Variants in ADGRD1 observed in about 807,000 individuals in gnomAD.
The protein encoded by ADGRD1 is adhesion G protein-coupled receptor D1, also known as G-protein coupled receptor 133.
Under a neutral mutation model 113.4 loss-of-function variants are expected in ADGRD1, and 77 were observed. The ratio of observed to expected loss-of-function variants is 0.68; its 90% CI spans 0.57 to 0.82. The LOEUF (loss-of-function observed/expected upper bound fraction) is 0.82, where lower values mean the gene tolerates loss of function less well. Ranked by LOEUF, ADGRD1 falls within the 40% of genes least tolerant of loss-of-function variation. ADGRD1 has a pLI of 0.00. For synonymous variants in ADGRD1, 474 were observed against 475.0 expected (o/e 1.00, Z 0.03); for missense variants, 1,036 against 1,139.1 (o/e 0.91, Z 1.30).
At chr12:131,127,082 G>A (rs964669228) in intron 20 of ADGRD1, among the ~76,000 whole-genome samples, 3 of 151,998 alleles carry the variant, frequency 2.0e-5, no homozygotes, top group South Asian at 2.1e-4. Context: ...TGGAAAAAAT[G>A]TGCCTGGAAA....
At chr12:131,080,115 A>AT (rs755776515) in intron 14 of ADGRD1, among the ~76,000 whole-genome samples, 34 of 151,974 alleles carry the variant, frequency 2.2e-4, no homozygotes, top group Non-Finnish European at 4.6e-4. Flanking sequence ...TTAATGCTAT[A>AT]TTTTTTCTGT....
In ADGRD1 at chr12:131,120,898, C is replaced by T. The variant is rs11610576; in HGVS notation, c.2160C>T (p.Ala720=). ...CCATCTGGGCCTTTGTAGCCCCTGC[C>T]CTGTTTGTCATCGTGGTACGTTTCC... ...SGAIWAFVAP[A]LFVIVVNIGI... is the part of the protein sequence containing the mutation. The change falls in exon 20 of 25, where the codon GCC becomes GCT. Residue 720 remains alanine (A), a synonymous_variant. Coordinates refer to ENST00000261654, the MANE Select transcript of ADGRD1 (RefSeq NM_198827.5). 0.035 allele frequency: 56,787 copies of T among 1,614,006 alleles called. 1,243 individuals carry two copies. The highest frequency in any genetic ancestry group is 0.042 in the Non-Finnish European group (49,538 of 1,179,878).
At chr12:130,957,725 T>A (rs1869823868) in intron 2 of ADGRD1, 1 of 152,220 alleles carries the variant, frequency 6.6e-6, no homozygotes, top group Admixed American at 6.5e-5. Flanking sequence ...CAAGGCACTG[T>A]CTTAGAGAAA....
chr12:131,108,592 A>T, intron 17 of ADGRD1, 132 bp from the exon 18 acceptor site: 1 of 1,266,446 alleles, frequency 7.9e-7, no homozygotes, highest in Admixed American at 1.8e-5. Context: ...CAACAGGAAG[A>T]TACCCTGGGA....
At chr12:130,968,495 T>A (rs1232715594) in intron 3 of ADGRD1, 1 of 159,064 alleles carries the variant, frequency 6.3e-6, no homozygotes. Flanking sequence ...TTGGCAAGCC[T>A]TTTGAGGATG....
Position 130,981,909 on chromosome 12 carries a change from G to T in ADGRD1, c.336G>T (p.Lys112Asn), listed in dbSNP as rs1873039504. ...PEGVTFSFFW[K>N]TQGEQSRPIP... ...GGGTCACGTTTTCTTTTTTCTGGAA[G>T]ACACAAGGAGAACAGTCTAGACCAA... Residue 112 changes from lysine (K) to asparagine (N), a missense_variant, in exon 5 of 25, where the codon AAG becomes AAT. By Grantham distance (94) the Lys-to-Asn change is moderately conservative. Coordinates refer to ENST00000261654, the MANE Select transcript of ADGRD1 (RefSeq NM_198827.5). 1 of 1,611,668 alleles carries T rather than the reference G, an allele frequency of 6.2e-7. No individual in the cohort carries two copies. Among genetic ancestry groups the T allele is most frequent in the Admixed American group, 1.7e-5 (1 of 59,506 alleles).
intron 12 of ADGRD1, among the ~76,000 whole-genome samples, chr12:131,012,853 C>T (rs1376816874): frequency 6.6e-6 from 1 of 152,176 alleles, no homozygotes; most frequent in East Asian, 1.9e-4. Flanking sequence ...GGGAGGTGCA[C>T]AGGACCCGGG....
chr12:131,085,711 G>A (rs929586950), intron 15 of ADGRD1, among the ~76,000 whole-genome samples: 2 of 152,208 alleles, frequency 1.3e-5, no homozygotes, highest in Non-Finnish European at 2.9e-5. Context: ...GAGCCAGGCT[G>A]GGTTTGGCAG....
At chr12:131,125,619 C>G (rs1224290749) in intron 20 of ADGRD1, among the ~76,000 whole-genome samples, 1 of 152,140 alleles carries the variant, frequency 6.6e-6, no homozygotes, top group African/African-American at 2.4e-5. Context: ...GAGATAGATA[C>G]AGATGCATTG....
At chr12:131,004,405 C>A (rs1159696464) in intron 11 of ADGRD1, 109 bp downstream of exon 11, 12 of 832,536 alleles carry the variant, frequency 1.4e-5, no homozygotes, top group Non-Finnish European at 2.3e-5. Context: ...GCGGTGCTCC[C>A]CCGGGCCGCC....
At position 131,105,876 on chromosome 12, in the gene ADGRD1, G is replaced by A. The variant is rs761305983; in HGVS notation, c.1887+11G>A. Reference sequence around the variant, plus strand: ...CTCGAGCCGGGCACGGTGAGTGGGCGCAGCTCCGTGTTCCTGCGCTGTCCT... The same window carrying A: ...CTCGAGCCGGGCACGGTGAGTGGGCACAGCTCCGTGTTCCTGCGCTGTCCT... On this transcript the variant is annotated intron_variant, in intron 17 of 24. Transcript: ENST00000261654. 1.9e-6 allele frequency: 3 copies of A among 1,573,046 alleles called. No homozygotes were observed. The highest frequency in any genetic ancestry group is 1.1e-5 in the South Asian group (1 of 88,902).
intron 18 of ADGRD1, among the ~76,000 whole-genome samples, 175 bp downstream of exon 18, chr12:131,109,052 CT>C (rs1305310152): frequency 6.6e-6 from 1 of 152,010 alleles, no homozygotes; most frequent in Non-Finnish European, 1.5e-5. Context: ...GTCAGATGTG[CT>C]TTCATCTTCA....
Position 131,000,442 on chromosome 12 carries a change from G to A in ADGRD1, c.1026G>A (p.Glu342=). 1 of 1,611,428 alleles carries A rather than the reference G, an allele frequency of 6.2e-7. No homozygotes were observed. Among genetic ancestry groups the A allele is most frequent in the Non-Finnish European group, 8.5e-7 (1 of 1,178,470 alleles). ...TGCCTGGTTGGATTGCTCTGTCAGA[G>A]GTAAGAGAAAAGAACATGGTCGGTC... ...LLLPGWIALS[E]DSAVVLSLID... The change falls in exon 9 of 25, where the codon GAG becomes GAA. Residue 342 remains glutamate, a splice_region_variant and synonymous_variant. Transcript: ENST00000261654.
intron 5 of ADGRD1, 146 bp downstream of exon 5, chr12:130,982,209 T>C (rs577591917): frequency 3.9e-5 from 28 of 721,496 alleles, no homozygotes; most frequent in Non-Finnish European, 6.1e-5. Flanking sequence ...TTAAGGGTTG[T>C]TGGGGAGGTG....
rs953563311 is a variant in ADGRD1, at chr12:131,084,798, C to T, written c.1671+135C>T. 25 of 942,778 alleles carry T rather than the reference C, an allele frequency of 2.7e-5. No homozygotes were observed. The Middle Eastern group carries it at 9.3e-4, about 35-fold the overall frequency. 58.4% of individuals were successfully genotyped at this position (942,778 alleles called of 1,614,324 possible). A position where few individuals can be genotyped will look rare whatever the true frequency, so the allele number is the denominator to read the frequency against. On this transcript the variant is annotated intron_variant, in intron 15 of 24. Transcript: ENST00000261654. The surrounding 1 kb of genome is among the most constrained non-coding windows in gnomAD (Gnocchi z 4.5). The stretch of plus-strand genomic sequence containing the variant: ...ACTCCATGGGGCCTGTGTTTACAGA[C>T]GGAATCCATTCTCTTGGCTTCTGTA...
chr12:131,022,224 G>A lies in ADGRD1; in HGVS notation c.1473+7884G>A, dbSNP rs1356336517. The stretch of plus-strand genomic sequence containing the variant: ...GCTCATTGTTGCCGGTAACGCTCAC[G>A]TGGATGGCATGAGTGAGGTGGTGTC... On this transcript the variant is annotated intron_variant, in intron 13 of 24. Transcript: ENST00000261654. This position sits in a 1 kb window ranked among gnomAD's most constrained non-coding sequence, Gnocchi z 4.6. 1.3e-5 allele frequency among the ~76,000 whole-genome samples: 2 copies of A among 152,094 alleles called. No homozygotes were observed. Among genetic ancestry groups the A allele is most frequent in the African/African-American group, 2.4e-5 (1 of 41,410 alleles).
chr12:131,078,638 AATAAT>A (rs1334031028), intron 14 of ADGRD1, among the ~76,000 whole-genome samples: 1 of 152,210 alleles, frequency 6.6e-6, no homozygotes, highest in Non-Finnish European at 1.5e-5. Flanking sequence ...AAGTACGGAG[AATAAT>A]ATAACAAATG....
chr12:131,076,771 A>G (rs1355345108), intron 13 of ADGRD1, 30 bp from the exon 14 acceptor site: 3 of 1,601,508 alleles, frequency 1.9e-6, no homozygotes, highest in Non-Finnish European at 2.6e-6. Context: ...CAGCAGCGTC[A>G]TGCATCGTGT....
At chr12:131,054,763 C>G (rs1044047571) in intron 13 of ADGRD1, among the ~76,000 whole-genome samples, 2 of 152,200 alleles carry the variant, frequency 1.3e-5, no homozygotes, top group African/African-American at 4.8e-5. Context: ...CGGGTCTTGC[C>G]TAGGTTCCCC....
Sources: allele counts gnomAD v4.1 joint callset (sites outside exome capture counted in the v4.1 genomes callset), GRCh38; gene constraint gnomAD v4.1.1; non-coding constraint Gnocchi (gnomAD v3.1); transcripts MANE v1.5; gene names NCBI Gene and HGNC (gene_info 2026-07-23, HGNC 2026-07-21).